Variants in CTNNA3 observed in about 807,000 individuals in gnomAD.
CTNNA3 encodes the protein catenin alpha-3.
CTNNA3 carries 76 observed loss-of-function variants against 95.7 expected under a neutral mutation model. The ratio of observed to expected loss-of-function variants is 0.79; its 90% CI spans 0.66 to 0.96. CTNNA3 has a LOEUF of 0.96. Ranked by LOEUF, CTNNA3 falls within the 40% of genes least tolerant of loss-of-function variation. The probability of loss-of-function intolerance (pLI) is 0.00; values close to 1 mark genes in which losing one functional copy is unlikely to be tolerated. For synonymous variants in CTNNA3, 431 were observed against 374.4 expected, an observed-to-expected ratio of 1.15 and a Z score of -1.74; for missense variants, 1,191 against 1,089.8, an observed-to-expected ratio of 1.09 and a Z score of -1.31.
At chr10:66,767,227 C>T (rs1164158391) in intron 8 of CTNNA3, among the ~76,000 whole-genome samples, 6 of 151,942 alleles carry the variant, frequency 3.9e-5, no homozygotes, top group African/African-American at 1.4e-4. Context: ...GCAGGCGAAT[C>T]ACGAGGTCAG....
intron 13 of CTNNA3, among the ~76,000 whole-genome samples, chr10:66,154,321 CA>C (rs1202297322): frequency 6.6e-6 from 1 of 151,712 alleles, no homozygotes; most frequent in Non-Finnish European, 1.5e-5. Context: ...TAGACTTAAA[CA>C]ATCAGCTCTT....
chr10:66,043,210 G>T (rs567802705), intron 15 of CTNNA3, among the ~76,000 whole-genome samples: 1 of 150,456 alleles, frequency 6.6e-6, no homozygotes, highest in South Asian at 2.1e-4. Flanking sequence ...TGATTTAATG[G>T]CAATGCTAAG....
At chr10:67,000,072 C>G (rs1851588139) in intron 7 of CTNNA3, among the ~76,000 whole-genome samples, 1 of 152,086 alleles carries the variant, frequency 6.6e-6, no homozygotes, top group Admixed American at 6.6e-5. Flanking sequence ...TGGAAATGAT[C>G]ATGATAGCAT....
intron 7 of CTNNA3, among the ~76,000 whole-genome samples, chr10:66,890,138 G>C (rs117840784): frequency 0.027 from 4,043 of 152,132 alleles, 127 homozygotes; most frequent in Non-Finnish European, 0.029. Context: ...TTTCCATTTT[G>C]GACATGTAAG....
At chr10:65,968,745 A>G (rs2078030945) in intron 16 of CTNNA3, among the ~76,000 whole-genome samples, 1 of 152,216 alleles carries the variant, frequency 6.6e-6, no homozygotes, top group African/African-American at 2.4e-5. Flanking sequence ...CATCTGGAGT[A>G]CCCAGTCCCC....
At chr10:66,055,281 G>A (rs868730253) in intron 15 of CTNNA3, among the ~76,000 whole-genome samples, 55 of 152,132 alleles carry the variant, frequency 3.6e-4, no homozygotes, top group African/African-American at 1.3e-3. Flanking sequence ...TTTTGACACA[G>A]ATTGCATGGA....
intron 7 of CTNNA3, chr10:66,925,863 A>T (rs986986116): frequency 2.6e-5 from 9 of 344,428 alleles, no homozygotes; most frequent in Non-Finnish European, 4.7e-5. Flanking sequence ...GTTGCTAGTT[A>T]TTGATCACGG....
At chr10:66,126,082 T>C (rs1479252100) in intron 13 of CTNNA3, among the ~76,000 whole-genome samples, 1 of 152,178 alleles carries the variant, frequency 6.6e-6, no homozygotes, top group Non-Finnish European at 1.5e-5. Flanking sequence ...TTGTAACAAA[T>C]AATCTCACTG....
chr10:67,227,359 G>A (rs1456237525), intron 5 of CTNNA3, among the ~76,000 whole-genome samples: 2 of 152,082 alleles, frequency 1.3e-5, no homozygotes, highest in Admixed American at 6.6e-5. Context: ...CCAAAGTGCT[G>A]GGATTAAAGG....
At chr10:66,225,044 T>C (rs754409102) in intron 13 of CTNNA3, among the ~76,000 whole-genome samples, 50 of 152,018 alleles carry the variant, frequency 3.3e-4, no homozygotes, top group Non-Finnish European at 6.5e-4. Context: ...GCTAGGAACA[T>C]TTAAAATCCT....
chr10:66,669,404 A>G (rs1286696081), intron 9 of CTNNA3, among the ~76,000 whole-genome samples: 1 of 151,998 alleles, frequency 6.6e-6, no homozygotes, highest in Non-Finnish European at 1.5e-5. Context: ...TTAGCCAGGC[A>G]TGGTGGCATG....
At chr10:66,183,597 A>G (rs2086166643) in intron 13 of CTNNA3, among the ~76,000 whole-genome samples, 1 of 152,228 alleles carries the variant, frequency 6.6e-6, no homozygotes, top group Admixed American at 6.5e-5. Flanking sequence ...TGGGGTTAAC[A>G]CTTTGGCTTT....
chr10:66,198,856 G>A (rs1426429841), intron 13 of CTNNA3, among the ~76,000 whole-genome samples: 1 of 152,086 alleles, frequency 6.6e-6, no homozygotes, highest in Non-Finnish European at 1.5e-5. Context: ...TCATTTTAGT[G>A]AGAACACATA....
intron 13 of CTNNA3, among the ~76,000 whole-genome samples, chr10:66,177,019 G>A (rs2085749778): frequency 6.6e-6 from 1 of 152,060 alleles, no homozygotes; most frequent in Non-Finnish European, 1.5e-5. Flanking sequence ...AAGCGAAGGA[G>A]GGATCAGACG....
chr10:66,995,537 A>G (rs570768255), intron 7 of CTNNA3, among the ~76,000 whole-genome samples: 1 of 152,296 alleles, frequency 6.6e-6, no homozygotes, highest in African/African-American at 2.4e-5. Context: ...CCTGTTTAAT[A>G]CCTTTCAAAG....
intron 3 of CTNNA3, among the ~76,000 whole-genome samples, chr10:67,558,844 A>C (rs183482201): frequency 1.3e-5 from 2 of 152,192 alleles, no homozygotes; most frequent in East Asian, 1.9e-4. Context: ...TATCCCGCAC[A>C]TGGCTCGGAG....
chr10:67,506,450 AT>A (rs1839431761), intron 5 of CTNNA3, among the ~76,000 whole-genome samples: 1 of 152,232 alleles, frequency 6.6e-6, no homozygotes, highest in African/African-American at 2.4e-5. Context: ...CTTAAAAAAA[AT>A]AACAGAACAA....
chr10:67,188,406 G>A (rs919050342), intron 6 of CTNNA3, among the ~76,000 whole-genome samples: 2 of 152,134 alleles, frequency 1.3e-5, no homozygotes, highest in Non-Finnish European at 2.9e-5. Context: ...GAGGTAGGAG[G>A]ATCATTTGAG....
intron 1 of CTNNA3, among the ~76,000 whole-genome samples, chr10:67,709,421 C>T (rs1053815076): frequency 2.0e-5 from 3 of 152,128 alleles, no homozygotes; most frequent in African/African-American, 7.2e-5. Flanking sequence ...GGGGACAATT[C>T]ATTATAGAGG....
Sources: gnomAD v4.1 joint callset for allele counts (sites outside exome capture counted in the v4.1 genomes callset) on GRCh38, gnomAD v4.1.1 for gene constraint, MANE v1.5 for transcripts, NCBI Gene and HGNC (gene_info 2026-07-23, HGNC 2026-07-21) for gene names.